The following CA10 variants were observed in gnomAD, a reference collection of about 807,000 sequenced individuals.
The protein encoded by CA10 is carbonic anhydrase-related protein 10.
CA10 carries 14 observed loss-of-function variants against 44.2 expected under a neutral mutation model. The ratio of observed to expected loss-of-function variants is 0.32; its 90% confidence interval spans 0.21 to 0.50. The LOEUF (loss-of-function observed/expected upper bound fraction) is 0.50. Among genes scored for constraint, CA10 ranks in the 20% least tolerant of loss-of-function variants. The pLI, the probability that CA10 is intolerant of heterozygous loss-of-function variation, is 0.99. For synonymous variants in CA10, 159 were observed against 141.6 expected, an observed-to-expected ratio of 1.12 and a Z score of -0.87; for missense variants, 350 against 409.7, an observed-to-expected ratio of 0.85 and a Z score of 1.26.
At chr17:51,653,236 C>CACTTCTTCCTATG (rs948533003) in intron 5 of CA10, among the ~76,000 whole-genome samples, 1 of 152,154 alleles carries the variant, frequency 6.6e-6, no homozygotes, top group African/African-American at 2.4e-5. Context: ...AGAGACATCT[C>CACTTCTTCCTATG]ACTTCTTCCT....
At chr17:51,760,019 G>T (rs374305616) in intron 3 of CA10, among the ~76,000 whole-genome samples, 1 of 152,132 alleles carries the variant, frequency 6.6e-6, no homozygotes, top group Non-Finnish European at 1.5e-5. Flanking sequence ...CTAGTTTAAT[G>T]TCATTTAATT....
intron 4 of CA10, among the ~76,000 whole-genome samples, chr17:51,656,469 T>C (rs1913797396): frequency 6.6e-6 from 1 of 152,250 alleles, no homozygotes; most frequent in African/African-American, 2.4e-5. Context: ...GCTAGGATTC[T>C]GATATCAGGA....
At chr17:51,820,894 G>A (rs951563100) in intron 3 of CA10, among the ~76,000 whole-genome samples, 2 of 152,058 alleles carry the variant, frequency 1.3e-5, no homozygotes, top group African/African-American at 4.8e-5. Context: ...GAATAACTGA[G>A]CAGTGATTTA....
At chr17:51,915,033 C>G (rs1981936370) in intron 3 of CA10, among the ~76,000 whole-genome samples, 1 of 152,088 alleles carries the variant, frequency 6.6e-6, no homozygotes, top group South Asian at 2.1e-4. Context: ...TAGAATTCAT[C>G]TATTTATTAT....
At chr17:52,044,067 G>A (rs1657301522) in intron 2 of CA10, among the ~76,000 whole-genome samples, 1 of 152,030 alleles carries the variant, frequency 6.6e-6, no homozygotes, top group African/African-American at 2.4e-5. Context: ...TGCTGCCATT[G>A]TAAAATTAGT....
At chr17:51,659,686 GAGACGATGCCAGC>G (rs1482180348) in intron 4 of CA10, among the ~76,000 whole-genome samples, 2 of 152,166 alleles carry the variant, frequency 1.3e-5, no homozygotes, top group Non-Finnish European at 2.9e-5. Flanking sequence ...CTTTGTGTGA[GAGACGATGCCAGC>G]AGAAACAACT....
chr17:51,755,244 G>C (rs1270446542), intron 3 of CA10, among the ~76,000 whole-genome samples: 1 of 152,088 alleles, frequency 6.6e-6, no homozygotes, highest in Non-Finnish European at 1.5e-5. Flanking sequence ...TATTGTTTTG[G>C]GTCTTAGATG....
chr17:51,892,935 T>C (rs1186209973), intron 3 of CA10, among the ~76,000 whole-genome samples: 1 of 152,148 alleles, frequency 6.6e-6, no homozygotes, highest in Non-Finnish European at 1.5e-5. Flanking sequence ...GTGTCAAAAA[T>C]AAACTACTTG....
intron 2 of CA10, among the ~76,000 whole-genome samples, chr17:51,938,245 A>G (rs1315808933): frequency 6.6e-6 from 1 of 152,148 alleles, no homozygotes; most frequent in Non-Finnish European, 1.5e-5. Context: ...TGGCTCTATA[A>G]TAAGGATTTA....
chr17:52,135,023 G>A (rs1333522511), intron 1 of CA10: 1 of 514,716 alleles, frequency 1.9e-6, no homozygotes, highest in Non-Finnish European at 3.9e-6. Context: ...TGCCACCAGA[G>A]CCTCCTGACT....
chr17:51,633,638 G>T lies in CA10; in HGVS notation c.802C>A (p.Arg268Ser), dbSNP rs780641204. ...GATGGCTGGTTCTGGCTGAGCAGGCGCAAGGAATGCATCTGAGGAGAGAGA... is the reference window on the plus strand; with the variant it reads ...GATGGCTGGTTCTGGCTGAGCAGGCTCAAGGAATGCATCTGAGGAGAGAGA... ...YITRMQMHSL[R>S]LLSQNQPSQI... Residue 268 changes from arginine (R) to serine (S), a missense_variant, in exon 8 of 9, where the codon CGC (arginine) becomes AGC (serine). Physicochemically the swap from Arg to Ser is moderately radical, Grantham distance 110. Coordinates refer to ENST00000451037, the MANE Select transcript of CA10 (RefSeq NM_020178.5). 28 of 1,613,566 alleles carry T rather than the reference G, an allele frequency of 1.7e-5. No individual in the cohort carries two copies. The highest frequency in any genetic ancestry group is 2.2e-5 in the East Asian group (1 of 44,874).
intron 4 of CA10, among the ~76,000 whole-genome samples, chr17:51,685,182 A>G (rs933803869): frequency 2.0e-5 from 3 of 152,192 alleles, no homozygotes; most frequent in Non-Finnish European, 2.9e-5. Context: ...TTGATTAGAG[A>G]TAGCCAGAGG....
At chr17:52,025,217 T>C (rs946997784) in intron 2 of CA10, among the ~76,000 whole-genome samples, 1 of 152,158 alleles carries the variant, frequency 6.6e-6, no homozygotes, top group Non-Finnish European at 1.5e-5. Flanking sequence ...TGAGCCTCTA[T>C]CTGATTGAAC....
chr17:51,717,729 A>ATG (rs1403695469), intron 4 of CA10, among the ~76,000 whole-genome samples: 2,208 of 28,676 alleles, frequency 0.077, 358 homozygotes, highest in Non-Finnish European at 0.11. Context: ...GTATATATAC[A>ATG]TATATACGTA....
At chr17:51,958,434 T>C (rs1404361443) in intron 2 of CA10, among the ~76,000 whole-genome samples, 1 of 152,146 alleles carries the variant, frequency 6.6e-6, no homozygotes, top group Non-Finnish European at 1.5e-5. Context: ...ACTGGATTCA[T>C]TACCTTTCCT....
At chr17:52,062,962 G>A (rs1352595381) in intron 2 of CA10, among the ~76,000 whole-genome samples, 1 of 152,254 alleles carries the variant, frequency 6.6e-6, no homozygotes, top group Non-Finnish European at 1.5e-5. Flanking sequence ...ATTCCAAACT[G>A]TAAAAGCAGC....
At chr17:51,703,870 G>A (rs950593375) in intron 4 of CA10, among the ~76,000 whole-genome samples, 28 of 152,314 alleles carry the variant, frequency 1.8e-4, no homozygotes, top group East Asian at 3.9e-4. Context: ...CGGGCTGCTT[G>A]CCATTCCAAA....
chr17:52,088,315 A>G (rs968775714), intron 1 of CA10, among the ~76,000 whole-genome samples: 2 of 152,234 alleles, frequency 1.3e-5, no homozygotes, highest in Admixed American at 6.5e-5. Flanking sequence ...TAATTAGTTC[A>G]GTAGTCAGCA....
chr17:51,741,677 T>TGCTA (rs1446378501), intron 4 of CA10, among the ~76,000 whole-genome samples: 1 of 152,208 alleles, frequency 6.6e-6, no homozygotes, highest in Non-Finnish European at 1.5e-5. Context: ...TCAGGCACTG[T>TGCTA]GCTAGGTGCA....
Sources: allele counts gnomAD v4.1 joint callset (sites outside exome capture counted in the v4.1 genomes callset), GRCh38; gene constraint gnomAD v4.1.1; transcripts MANE v1.5; gene names NCBI Gene and HGNC (gene_info 2026-07-23, HGNC 2026-07-21).